Variants in KCNN2 observed in about 807,000 individuals in gnomAD.
The protein encoded by KCNN2 is small conductance calcium-activated potassium channel protein 2.
Under a neutral mutation model 55.5 loss-of-function variants are expected in KCNN2, and 24 were observed. That is an observed-to-expected ratio of 0.43 (90% CI 0.31 to 0.61). The LOEUF (loss-of-function observed/expected upper bound fraction) is 0.61. KCNN2 is among the 20% of genes least tolerant of loss of function. The probability of loss-of-function intolerance (pLI) is 0.08; values close to 1 mark genes in which losing one functional copy is unlikely to be tolerated. For missense variants in KCNN2, 754 were observed against 853.6 expected, an observed-to-expected ratio of 0.88 and a Z score of 1.45; for synonymous variants, 431 against 336.1, an observed-to-expected ratio of 1.28 and a Z score of -3.09.
chr5:114,375,394 A>G (rs1265953697), intron 2 of KCNN2, among the ~76,000 whole-genome samples: 2 of 152,172 alleles, frequency 1.3e-5, no homozygotes, highest in African/African-American at 4.8e-5. Context: ...AAGCAAAGGT[A>G]TTGACTGAAA....
chr5:114,171,430 A>G (rs995962795), intron 1 of KCNN2, among the ~76,000 whole-genome samples: 1 of 151,912 alleles, frequency 6.6e-6, no homozygotes, highest in South Asian at 2.1e-4. Context: ...ATTTTAGAAA[A>G]TCAGTGGAGA....
At chr5:114,430,843 T>G (rs928098773) in intron 3 of KCNN2, among the ~76,000 whole-genome samples, 3 of 152,122 alleles carry the variant, frequency 2.0e-5, no homozygotes, top group Non-Finnish European at 4.4e-5. Flanking sequence ...TCTGCATCTA[T>G]TGATATGATT....
intron 1 of KCNN2, among the ~76,000 whole-genome samples, chr5:114,174,676 T>C (rs1753102875): frequency 6.6e-6 from 1 of 152,178 alleles, no homozygotes; most frequent in Non-Finnish European, 1.5e-5. Flanking sequence ...CATACCCTTG[T>C]AGGTGAATTT....
At chr5:114,280,591 G>C (rs1390766453) in intron 2 of KCNN2, among the ~76,000 whole-genome samples, 2 of 152,094 alleles carry the variant, frequency 1.3e-5, no homozygotes, top group Admixed American at 6.5e-5. Context: ...TGTCTGGTTT[G>C]TCAAAGATCA....
intron 1 of KCNN2, among the ~76,000 whole-genome samples, chr5:114,213,877 C>T (rs910513724): frequency 6.6e-6 from 1 of 152,054 alleles, no homozygotes; most frequent in African/African-American, 2.4e-5. Context: ...CTCTTGTTCT[C>T]TGTACTGAAC....
chr5:114,345,051 C>A (rs1486364841), intron 2 of KCNN2, among the ~76,000 whole-genome samples: 2 of 152,012 alleles, frequency 1.3e-5, no homozygotes, highest in African/African-American at 4.8e-5. Context: ...TTTTGTTCTG[C>A]AAAACACTGG....
chr5:114,406,117 A>C (rs1003767808), intron 3 of KCNN2, among the ~76,000 whole-genome samples: 1 of 151,056 alleles, frequency 6.6e-6, no homozygotes, highest in South Asian at 2.1e-4. Flanking sequence ...AAAAAAAAAA[A>C]GGGTAGTGAA....
chr5:114,251,848 A>G (rs1276539720), intron 2 of KCNN2, among the ~76,000 whole-genome samples: 1 of 148,340 alleles, frequency 6.7e-6, no homozygotes. Context: ...TTTGTGGTTT[A>G]TATGGTTTTT....
chr5:114,150,383 C>A (rs956212979), intron 1 of KCNN2, among the ~76,000 whole-genome samples: 41 of 152,170 alleles, frequency 2.7e-4, no homozygotes, highest in Admixed American at 6.5e-4. Flanking sequence ...ACCTGAAAAA[C>A]CAGTAAAACT....
At chr5:114,324,415 G>A (rs1352111345) in intron 2 of KCNN2, among the ~76,000 whole-genome samples, 1 of 152,168 alleles carries the variant, frequency 6.6e-6, no homozygotes, top group Admixed American at 6.5e-5. Flanking sequence ...CATGGTCAGA[G>A]TCAAAAGCAG....
chr5:114,377,832 CAG>C (rs1402081690), intron 2 of KCNN2, among the ~76,000 whole-genome samples: 5 of 152,250 alleles, frequency 3.3e-5, no homozygotes, highest in East Asian at 1.9e-4. Context: ...TTCAGTAAGA[CAG>C]TGTTTATGAA....
At chr5:114,251,831 T>C (rs894330699) in intron 2 of KCNN2, among the ~76,000 whole-genome samples, 7 of 151,890 alleles carry the variant, frequency 4.6e-5, no homozygotes, top group Non-Finnish European at 1.0e-4. Context: ...TATTGTAATA[T>C]AGTTTGTTTG....
intron 1 of KCNN2, among the ~76,000 whole-genome samples, chr5:114,195,290 C>T (rs1370793564): frequency 6.6e-6 from 1 of 151,240 alleles, no homozygotes; most frequent in Non-Finnish European, 1.5e-5. Context: ...GTATTGCCAA[C>T]TGAACAATAT....
intron 1 of KCNN2, among the ~76,000 whole-genome samples, chr5:114,097,408 C>T (rs141820456): frequency 6.0e-4 from 91 of 152,214 alleles, no homozygotes; most frequent in African/African-American, 2.1e-3. Context: ...TCTCTGTGTC[C>T]TGTAGTTGAT....
intron 1 of KCNN2, among the ~76,000 whole-genome samples, chr5:114,113,233 CTTTAAGGCTAT>C (rs1751638917): frequency 6.6e-6 from 1 of 152,022 alleles, no homozygotes; most frequent in African/African-American, 2.4e-5. Flanking sequence ...TCTTGCTACT[CTTTAAGGCTAT>C]TTCTTCTTAC....
chr5:114,494,279 T>G (rs926346170), intron 7 of KCNN2, among the ~76,000 whole-genome samples: 1 of 150,838 alleles, frequency 6.6e-6, no homozygotes, highest in East Asian at 2.0e-4. Context: ...GTTTGATAAA[T>G]CAGACATGAC....
At chr5:114,320,039 T>G (rs577959436) in intron 2 of KCNN2, among the ~76,000 whole-genome samples, 2 of 152,340 alleles carry the variant, frequency 1.3e-5, no homozygotes, top group South Asian at 4.1e-4. Flanking sequence ...CCATTGTTAC[T>G]CCACCATCTT....
chr5:114,286,060 C>T (rs963732941), intron 2 of KCNN2, among the ~76,000 whole-genome samples: 10 of 151,994 alleles, frequency 6.6e-5, no homozygotes, highest in Non-Finnish European at 2.9e-5. Context: ...GCTGGGATTA[C>T]AGGCATGTGC....
intron 1 of KCNN2, among the ~76,000 whole-genome samples, chr5:114,115,933 C>T (rs1459848660): frequency 6.6e-6 from 1 of 152,108 alleles, no homozygotes; most frequent in Non-Finnish European, 1.5e-5. Context: ...GATGCAAAGA[C>T]AGCTGGCATA....
Sources: allele counts gnomAD v4.1 joint callset (sites outside exome capture counted in the v4.1 genomes callset), GRCh38; gene constraint gnomAD v4.1.1; transcripts MANE v1.5; gene names NCBI Gene and HGNC (gene_info 2026-07-23, HGNC 2026-07-21).